The following NAT1 variants were observed in gnomAD, a reference collection of about 807,000 sequenced individuals.
NAT1 encodes the protein N-acetyltransferase 1.
For missense variants in NAT1, 400 were observed against 339.2 expected (o/e 1.18, Z -1.41); for synonymous variants, 144 against 122.6 (o/e 1.17, Z -1.16).
intron 2 of NAT1, among the ~76,000 whole-genome samples, chr8:18,183,925 T>G (rs917020722): frequency 2.0e-5 from 3 of 152,170 alleles, no homozygotes; most frequent in African/African-American, 7.2e-5. Context: ...CCTGCCCCTA[T>G]GACTTTGCTG....
intron 1 of NAT1, among the ~76,000 whole-genome samples, chr8:18,211,019 C>T (rs1804048182): frequency 1.3e-5 from 2 of 152,108 alleles, no homozygotes; most frequent in South Asian, 4.1e-4. Context: ...TGGCTAGGCT[C>T]ATCTCGAACT....
At position 18,219,450 on chromosome 8, in the gene NAT1, T is replaced by C; in HGVS notation, c.-46T>C. ...AGAAGCAGCAATCTGTCTTCTGGAT[T>C]AAAACTGAAGATCAACCTACTTTCA... On this transcript the variant is annotated 5_prime_UTR_variant, in exon 2 of 3. Coordinates refer to ENST00000307719, the MANE Select transcript of NAT1 (RefSeq NM_000662.8). 1 of 1,550,732 alleles carries C rather than the reference T, an allele frequency of 6.4e-7. No homozygotes were observed. The highest frequency in any genetic ancestry group is 8.7e-7 in the Non-Finnish European group (1 of 1,146,536).
At chr8:18,215,480 A>G (rs763232357) in intron 1 of NAT1, among the ~76,000 whole-genome samples, 1 of 152,224 alleles carries the variant, frequency 6.6e-6, no homozygotes, top group Admixed American at 6.5e-5. Flanking sequence ...TCTGTTGATT[A>G]ATTAGTTCCA....
At chr8:18,177,952 T>G (rs1802354904) in intron 2 of NAT1, among the ~76,000 whole-genome samples, 1 of 152,126 alleles carries the variant, frequency 6.6e-6, no homozygotes, top group Non-Finnish European at 1.5e-5. Context: ...CACATGGGAT[T>G]AAGATTCAGT....
At chr8:18,216,714 GA>G (rs1347498608) in intron 1 of NAT1, among the ~76,000 whole-genome samples, 3 of 152,112 alleles carry the variant, frequency 2.0e-5, no homozygotes, top group Non-Finnish European at 4.4e-5. Flanking sequence ...GATAGAGCAG[GA>G]AATAGTAATA....
intron 2 of NAT1, among the ~76,000 whole-genome samples, chr8:18,202,425 A>T (rs370206976): frequency 1.3e-5 from 2 of 152,214 alleles, no homozygotes; most frequent in East Asian, 1.9e-4. Context: ...TTGTGTCCGG[A>T]ATTTATTCCT....
intron 2 of NAT1, among the ~76,000 whole-genome samples, chr8:18,172,706 T>G (rs1235347636): frequency 6.6e-6 from 1 of 152,206 alleles, no homozygotes; most frequent in Non-Finnish European, 1.5e-5. Flanking sequence ...ATTAACTCCT[T>G]GAAAGATTAT....
intron 2 of NAT1, among the ~76,000 whole-genome samples, chr8:18,177,833 C>T (rs569220802): frequency 1.5e-4 from 23 of 152,170 alleles, no homozygotes; most frequent in Admixed American, 4.6e-4. Flanking sequence ...GCTTAGAAGA[C>T]GGATGTTTCT....
At chr8:18,183,014 G>C (rs1211249229) in intron 2 of NAT1, among the ~76,000 whole-genome samples, 1 of 151,938 alleles carries the variant, frequency 6.6e-6, no homozygotes, top group South Asian at 2.1e-4. Context: ...TTTTGTCTTA[G>C]TCTATTTTGT....
At chr8:18,217,134 C>T in intron 1 of NAT1, 1 of 603,480 alleles carries the variant, frequency 1.7e-6, no homozygotes, top group Non-Finnish European at 2.9e-6. Flanking sequence ...TCTGGAGTCC[C>T]CATGATGAGA....
chr8:18,178,757 C>A (rs1294114624), intron 2 of NAT1, among the ~76,000 whole-genome samples: 1 of 152,142 alleles, frequency 6.6e-6, no homozygotes, highest in Non-Finnish European at 1.5e-5. Context: ...GTTTCCCTAA[C>A]AGATGAGTGA....
intron 2 of NAT1, among the ~76,000 whole-genome samples, chr8:18,189,956 A>T (rs909595127): frequency 1.3e-5 from 2 of 152,098 alleles, no homozygotes; most frequent in African/African-American, 4.8e-5. Context: ...CACCTGGCTA[A>T]TTTTTGTATT....
Position 18,222,792 on chromosome 8 carries a change from A to G in NAT1, c.745A>G (p.Asn249Asp), listed in dbSNP as rs370049063. 6.8e-6 allele frequency: 11 copies of G among 1,613,504 alleles called. No individual in the cohort carries two copies. Among genetic ancestry groups the G allele is most frequent in the Non-Finnish European group, 9.3e-6 (11 of 1,179,842 alleles). The change falls in exon 3 of 3, where the codon AAT becomes GAT. Residue 249 changes from asparagine to aspartate, a missense_variant. Coordinates refer to ENST00000307719, the MANE Select transcript of NAT1 (RefSeq NM_000662.8). ...CCATAGGAGATTCAATTATAAGGACAATACAGATCTAATAGAGTTCAAGAC... is the reference window on the plus strand; with the variant it reads ...CCATAGGAGATTCAATTATAAGGACGATACAGATCTAATAGAGTTCAAGAC... ...LTHRRFNYKD[N>D]TDLIEFKTLS...
intron 2 of NAT1, among the ~76,000 whole-genome samples, chr8:18,183,926 GACTTTGCTGGGTTCAGC>G: frequency 6.6e-6 from 1 of 152,278 alleles, no homozygotes; most frequent in South Asian, 2.1e-4. Flanking sequence ...CTGCCCCTAT[GACTTTGCTGGGTTCAGC>G]CCACACAGCA....
intron 1 of NAT1, chr8:18,217,038 G>A: frequency 1.5e-6 from 2 of 1,335,924 alleles, no homozygotes; most frequent in Non-Finnish European, 2.1e-6. Context: ...CATACAAAAA[G>A]GGAGAAAGGC....
chr8:18,213,882 C>G (rs571879134), intron 1 of NAT1, among the ~76,000 whole-genome samples: 2 of 150,900 alleles, frequency 1.3e-5, no homozygotes, highest in African/African-American at 4.9e-5. Context: ...GGCACTATCT[C>G]GGCTCACTGC....
At chr8:18,181,336 C>T (rs895334561) in intron 2 of NAT1, among the ~76,000 whole-genome samples, 42 of 151,860 alleles carry the variant, frequency 2.8e-4, no homozygotes, top group African/African-American at 5.6e-4. Context: ...ACAGATTCAA[C>T]GCAATCCCTA....
At position 18,197,887 on chromosome 8, in the gene NAT1, T is replaced by C. The variant is rs571654136; in HGVS notation, n.93-11894T>C. Among the ~76,000 whole-genome samples the C allele has an allele frequency of 2.6e-5, 4 of 151,150 alleles. No homozygotes were observed. The East Asian group carries it at 5.8e-4, about 22-fold the overall frequency. The stretch of plus-strand genomic sequence containing the variant: ...GGATGGGTTCTGGGAAGTATGTTTA[T>C]ACTTTTTTTTTTTTTTTGAGATGTT... On this transcript the variant is annotated intron_variant and non_coding_transcript_variant, in intron 2 of 4. Coordinates refer to the NAT1 transcript ENST00000517441.
At chr8:18,187,471 G>C (rs1802786991) in intron 2 of NAT1, among the ~76,000 whole-genome samples, 1 of 152,160 alleles carries the variant, frequency 6.6e-6, no homozygotes, top group Admixed American at 6.5e-5. Flanking sequence ...TGGCGGACTG[G>C]CTTTTAAAAA....
Sources: allele counts gnomAD v4.1 joint callset (sites outside exome capture counted in the v4.1 genomes callset), GRCh38; gene constraint gnomAD v4.1.1; transcripts MANE v1.5; gene names NCBI Gene and HGNC (gene_info 2026-07-23, HGNC 2026-07-21).